The following IL19 variants were observed in gnomAD, a reference collection of about 807,000 sequenced individuals.
The protein encoded by IL19 is interleukin-19.
A neutral mutation model predicts 19.5 loss-of-function variants in IL19; 15 were observed. The observed-to-expected ratio is 0.77, with a 90% CI of 0.52 to 1.19. The LOEUF (loss-of-function observed/expected upper bound fraction) is 1.19, where lower values mean the gene tolerates loss of function less well. Among genes scored for constraint, IL19 ranks in the 50% most tolerant of loss-of-function variants. IL19 has a pLI of 0.00. For synonymous variants in IL19, 78 were observed against 78.3 expected, an observed-to-expected ratio of 1.00 and a Z score of 0.02; for missense variants, 199 against 213.1, an observed-to-expected ratio of 0.93 and a Z score of 0.41.
intron 2 of IL19, among the ~76,000 whole-genome samples, chr1:206,803,516 C>T (rs1226794727): frequency 2.6e-5 from 4 of 152,126 alleles, no homozygotes; most frequent in Non-Finnish European, 5.9e-5. Context: ...GGCCAGCCCA[C>T]AACAAAGAGT....
intron 1 of IL19, among the ~76,000 whole-genome samples, chr1:206,792,904 T>C (rs1675441289): frequency 6.6e-6 from 1 of 152,222 alleles, no homozygotes; most frequent in Non-Finnish European, 1.5e-5. Context: ...CACTCTGCTG[T>C]CCCTTAACAG....
intron 2 of IL19, among the ~76,000 whole-genome samples, chr1:206,835,626 C>T (rs1467942530): frequency 1.3e-5 from 2 of 152,300 alleles, no homozygotes; most frequent in Admixed American, 6.5e-5. Context: ...CTCTCCTCCA[C>T]GGCCACACAC....
At chr1:206,832,941 C>T (rs984685176) in intron 2 of IL19, among the ~76,000 whole-genome samples, 5 of 152,174 alleles carry the variant, frequency 3.3e-5, no homozygotes, top group East Asian at 3.9e-4. Flanking sequence ...CCTTCTCTGC[C>T]GGTGCCCTGT....
intron 1 of IL19, among the ~76,000 whole-genome samples, chr1:206,798,210 G>A (rs1203634710): frequency 6.6e-6 from 1 of 152,062 alleles, no homozygotes; most frequent in Admixed American, 6.6e-5. Context: ...TCATTCATAG[G>A]TGCGATCATA....
chr1:206,827,127 T>C (rs1476477827), intron 2 of IL19, among the ~76,000 whole-genome samples: 2 of 152,256 alleles, frequency 1.3e-5, no homozygotes, highest in African/African-American at 4.8e-5. Flanking sequence ...GGTAAGCTGA[T>C]GGAAACAACC....
chr1:206,815,697 C>T (rs951999185), intron 2 of IL19, among the ~76,000 whole-genome samples: 1 of 152,018 alleles, frequency 6.6e-6, no homozygotes, highest in Non-Finnish European at 1.5e-5. Flanking sequence ...AAGTCATAAC[C>T]AGACATATCT....
chr1:206,793,845 C>T (rs1397446628), intron 1 of IL19, among the ~76,000 whole-genome samples: 1 of 152,214 alleles, frequency 6.6e-6, no homozygotes, highest in Non-Finnish European at 1.5e-5. Flanking sequence ...TTAATGGCAT[C>T]ATCTGGTCGA....
intron 2 of IL19, among the ~76,000 whole-genome samples, chr1:206,825,975 T>C (rs973019162): frequency 6.6e-5 from 10 of 152,096 alleles, no homozygotes; most frequent in Non-Finnish European, 4.4e-5. Flanking sequence ...GAGACCAACT[T>C]AAAAATGGGG....
At chr1:206,811,329 A>G (rs1219965992) in intron 2 of IL19, among the ~76,000 whole-genome samples, 1 of 151,884 alleles carries the variant, frequency 6.6e-6, no homozygotes, top group Non-Finnish European at 1.5e-5. Context: ...CTGTAGTCCC[A>G]GCTACTCAGG....
intron 2 of IL19, among the ~76,000 whole-genome samples, chr1:206,807,362 T>C (rs1675873357): frequency 1.3e-5 from 2 of 152,162 alleles, no homozygotes; most frequent in Non-Finnish European, 2.9e-5. Context: ...ACCTCTGCAG[T>C]TATTCCCAGC....
chr1:206,815,817 T>G (rs1380076703), intron 2 of IL19, among the ~76,000 whole-genome samples: 1 of 152,218 alleles, frequency 6.6e-6, no homozygotes, highest in Non-Finnish European at 1.5e-5. Context: ...AGCAGTATCT[T>G]TAAAGTACAG....
intron 2 of IL19, among the ~76,000 whole-genome samples, chr1:206,823,019 T>G (rs1676327942): frequency 6.7e-6 from 1 of 150,176 alleles, no homozygotes; most frequent in Non-Finnish European, 1.5e-5. Context: ...AGCCTCCACC[T>G]CCTAGGTTCC....
chr1:206,790,744 C>CA (rs1451630465), intron 1 of IL19, among the ~76,000 whole-genome samples: 1 of 152,284 alleles, frequency 6.6e-6, no homozygotes, highest in South Asian at 2.1e-4. Context: ...CCATTGCCCC[C>CA]CACTGCCCAG....
chr1:206,832,652 T>G (rs1676648327), intron 2 of IL19, among the ~76,000 whole-genome samples: 1 of 152,242 alleles, frequency 6.6e-6, no homozygotes, highest in Non-Finnish European at 1.5e-5. Flanking sequence ...AATGAGATTT[T>G]TTTTGCAATT....
chr1:206,831,191 G>A (rs1676600498), intron 2 of IL19, among the ~76,000 whole-genome samples: 1 of 152,296 alleles, frequency 6.6e-6, no homozygotes, highest in African/African-American at 2.4e-5. Flanking sequence ...TCATGAGGTT[G>A]GAGTGCATGT....
chr1:206,801,393 C>T (rs368558503), intron 2 of IL19, among the ~76,000 whole-genome samples: 2 of 152,182 alleles, frequency 1.3e-5, no homozygotes, highest in South Asian at 2.1e-4. Context: ...ACTTCCTGGA[C>T]CTTTCCCTGG....
chr1:206,819,564 A>C (rs1404277842), intron 2 of IL19, among the ~76,000 whole-genome samples: 2 of 143,458 alleles, frequency 1.4e-5, no homozygotes, highest in Non-Finnish European at 3.1e-5. Flanking sequence ...CCTGGGTGAC[A>C]GAGCAAGACT....
intron 1 of IL19, among the ~76,000 whole-genome samples, chr1:206,784,061 A>G (rs987877679): frequency 1.3e-5 from 2 of 152,208 alleles, no homozygotes; most frequent in African/African-American, 4.8e-5. Context: ...TTTCAACTCC[A>G]ATATTCTGAG....
chr1:206,838,643 C>A (rs1001920983), intron 4 of IL19, among the ~76,000 whole-genome samples: 1 of 151,996 alleles, frequency 6.6e-6, no homozygotes, highest in Non-Finnish European at 1.5e-5. Flanking sequence ...AATATATGCC[C>A]CCATCTTCAG....
Sources: allele counts gnomAD v4.1 joint callset (sites outside exome capture counted in the v4.1 genomes callset), GRCh38; gene constraint gnomAD v4.1.1; transcripts MANE v1.5; gene names NCBI Gene and HGNC (gene_info 2026-07-23, HGNC 2026-07-21).